CCNG2: variants seen among roughly 807,000 people sequenced by gnomAD.
The protein encoded by CCNG2 is cyclin G2.
Under a neutral mutation model 36.5 loss-of-function variants are expected in CCNG2, and 20 were observed. That is an observed-to-expected ratio of 0.55 (90% confidence interval 0.39 to 0.80). The LOEUF (loss-of-function observed/expected upper bound fraction) is 0.80, where lower values mean the gene tolerates loss of function less well. Among genes scored for constraint, CCNG2 ranks in the 30% least tolerant of loss-of-function variants. The pLI is 0.00. For missense variants in CCNG2, 358 were observed against 390.8 expected, an observed-to-expected ratio of 0.92 and a Z score of 0.71; for synonymous variants, 155 against 140.1, an observed-to-expected ratio of 1.11 and a Z score of -0.75.
chr4:77,160,760 T>G lies in CCNG2; in HGVS notation c.316T>G (p.Phe106Val). Residue 106 changes from phenylalanine (F) to valine (V), a missense_variant, in exon 4 of 8, where the codon TTT becomes GTT. By Grantham distance (50) the Phe-to-Val change is conservative. Transcript: ENST00000316355. ...KHLSCIGVCS[F>V]LLAARIVEED... ...TTTGTCTTGCATTGGAGTCTGTTCT[T>G]TTTTGCTGGCTGCTAGAATAGTTGA... 6.2e-7 allele frequency: 1 copy of G among 1,614,054 alleles called. No homozygotes were observed.
chr4:77,167,250 G>A lies in CCNG2; in HGVS notation c.*1326G>A, dbSNP rs929062923. On this transcript the variant is annotated 3_prime_UTR_variant, in exon 8 of 8. Transcript: ENST00000316355. ...CATCTTAATTTTTAATCTGTTAAAA[G>A]TTCTTGATGTATTTTAATGAGAAGA... 6.6e-6 allele frequency: 1 copy of A among 152,138 alleles called. No individual in the cohort carries two copies. The highest frequency in any genetic ancestry group is 2.4e-5 in the African/African-American group (1 of 41,434). 9.4% of individuals were successfully genotyped at this position (152,138 alleles called of 1,614,324 possible). A position where few individuals can be genotyped will look rare whatever the true frequency, so the allele number is the denominator to read the frequency against.
intron 4 of CCNG2, 37 bp downstream of exon 4, chr4:77,161,008 A>G (rs913347863): frequency 1.2e-5 from 18 of 1,490,608 alleles, no homozygotes; most frequent in Admixed American, 1.8e-5. Flanking sequence ...TACTTTGAAC[A>G]TTGCTATAGC....
intron 6 of CCNG2, among the ~76,000 whole-genome samples, chr4:77,163,696 C>CA (rs4150083): frequency 6.6e-6 from 1 of 151,944 alleles, no homozygotes. Flanking sequence ...AAAAGAAAAA[C>CA]AAAAAAGAAA....
At chr4:77,160,619 G>A in intron 3 of CCNG2, 102 bp from the exon 4 acceptor site, 1 of 1,183,522 alleles carries the variant, frequency 8.4e-7, no homozygotes, top group Non-Finnish European at 1.2e-6. Context: ...GAAACAACTT[G>A]ATTGTGTTCT....
chr4:77,161,747 G>A lies in CCNG2; in HGVS notation c.705G>A (p.Lys235=). The A allele has an allele frequency of 6.4e-7, 1 of 1,570,198 alleles. No homozygotes were observed. Among genetic ancestry groups the A allele is most frequent in the Non-Finnish European group, 8.7e-7 (1 of 1,155,414 alleles). ...EILLLVKKHS[K]INDTEFFYWR... Reference sequence around the variant, plus strand: ...TCTTGCTAGTTAAAAAACATTCCAAGGTAATTACAGTCATTATTCTTTAAG... The same window carrying A: ...TCTTGCTAGTTAAAAAACATTCCAAAGTAATTACAGTCATTATTCTTTAAG... The change falls in exon 6 of 8, where the codon AAG becomes AAA. Residue 235 remains lysine (K), a splice_region_variant and synonymous_variant. Transcript: ENST00000316355.
At chr4:77,158,305 C>G (rs1206139757) in intron 1 of CCNG2, 1 of 552,780 alleles carries the variant, frequency 1.8e-6, no homozygotes, top group Admixed American at 3.3e-5. Context: ...CCGGTCTTAC[C>G]CAGCGCTGGC....
At chr4:77,159,678 T>C (rs1261453451) in intron 3 of CCNG2, among the ~76,000 whole-genome samples, 174 bp downstream of exon 3, 3 of 152,212 alleles carry the variant, frequency 2.0e-5, no homozygotes, top group Non-Finnish European at 2.9e-5. Flanking sequence ...ATTGTATTGT[T>C]GTATCTTAGG....
rs1731622015 is a variant in CCNG2, at chr4:77,165,899, C to T, written c.1010C>T (p.Ala337Val). The T allele has an allele frequency of 6.2e-7, 1 of 1,609,348 alleles. No individual in the cohort carries two copies. The highest frequency in any genetic ancestry group is 8.5e-7 in the Non-Finnish European group (1 of 1,178,516). The change falls in exon 8 of 8, where the codon GCA becomes GTA. Residue 337 changes from alanine to valine, a missense_variant. By Grantham distance (64) the Ala-to-Val change is moderately conservative. Transcript: ENST00000316355. Reference protein sequence around the residue: ...ECTFFFNFKVAQTLCFPS With the variant: ...ECTFFFNFKVVQTLCFPS The stretch of plus-strand genomic sequence containing the variant: ...ACCTTCTTTTTCAACTTCAAAGTGG[C>T]ACAAACACTGTGCTTTCCATCTTAG...
In CCNG2 at chr4:77,167,451, T is replaced by C. The variant is rs1034936420; in HGVS notation, c.*1527T>C. Reference sequence around the variant, plus strand: ...CTCAGAGACTGGTATATTACCAGAATGCCTATTAATTTTCAGTGAGAGGCA... The same window carrying C: ...CTCAGAGACTGGTATATTACCAGAACGCCTATTAATTTTCAGTGAGAGGCA... On this transcript the variant is annotated 3_prime_UTR_variant, in exon 8 of 8. Coordinates refer to ENST00000316355, the MANE Select transcript of CCNG2 (RefSeq NM_004354.3). The C allele has an allele frequency of 6.6e-6, 1 of 152,212 alleles. No individual in the cohort carries two copies. The highest frequency in any genetic ancestry group is 1.5e-5 in the Non-Finnish European group (1 of 68,036). The allele number at this position is 152,212 out of a possible 1,614,324, so 9.4% of individuals were successfully genotyped here.
At chr4:77,157,677 T>C (rs1303495420) in intron 1 of CCNG2, among the ~76,000 whole-genome samples, 171 bp downstream of exon 1, 1 of 151,640 alleles carries the variant, frequency 6.6e-6, no homozygotes, top group East Asian at 2.0e-4. Context: ...GCGCCCGCGA[T>C]GGACAGATAG....
At chr4:77,160,306 A>G (rs1731393064) in intron 3 of CCNG2, among the ~76,000 whole-genome samples, 1 of 152,026 alleles carries the variant, frequency 6.6e-6, no homozygotes, top group Non-Finnish European at 1.5e-5. Context: ...TTGAACCTGC[A>G]TGGAAATTTT....
chr4:77,160,029 GA>G (rs1301033985), intron 3 of CCNG2, among the ~76,000 whole-genome samples: 2 of 152,116 alleles, frequency 1.3e-5, no homozygotes, highest in African/African-American at 4.8e-5. Context: ...TCAGGGCACT[GA>G]AAAGAAAAGG....
rs1731630185 is a variant in CCNG2 at position 77,166,171 on chromosome 4, T to C, written c.*247T>C. ...GCACTTTATTTTTCTCGTAGATCTT[T>C]AGCTACTTTGGGGAGGAGGGAAGGT... On this transcript the variant is annotated 3_prime_UTR_variant, in exon 8 of 8. Transcript: ENST00000316355. 2 of 278,304 alleles carry C rather than the reference T, an allele frequency of 7.2e-6. No individual in the cohort carries two copies. The highest frequency in any genetic ancestry group is 6.5e-5 in the East Asian group (1 of 15,364). 17.2% of individuals were successfully genotyped at this position (278,304 alleles called of 1,614,324 possible).
In CCNG2 at chr4:77,166,072, C is replaced by T. The variant is rs1319210841; in HGVS notation, c.*148C>T. On this transcript the variant is annotated 3_prime_UTR_variant, in exon 8 of 8. Coordinates refer to ENST00000316355, the MANE Select transcript of CCNG2 (RefSeq NM_004354.3). ...TATTTGTTATTCAGATCAGATCTGG[C>T]CTATTTTCATATTTATCCTAAGCCA... The T allele has an allele frequency of 6.0e-6, 4 of 671,276 alleles. No individual in the cohort carries two copies. In the South Asian group the frequency reaches 1.1e-4, roughly 18 times the overall value. The allele number at this position is 671,276 out of a possible 1,614,324, so 41.6% of individuals were successfully genotyped here.
In CCNG2 at chr4:77,159,523, A is replaced by G; in HGVS notation, c.276+19A>G. On this transcript the variant is annotated intron_variant, in intron 3 of 7. Coordinates refer to ENST00000316355, the MANE Select transcript of CCNG2 (RefSeq NM_004354.3). ...TATGAAGGTATTTCATCATTTTTAT[A>G]AATATGTCTTCCTTTTTCTATGCCC... The G allele has an allele frequency of 6.2e-7, 1 of 1,607,276 alleles. No individual in the cohort carries two copies. Among genetic ancestry groups the G allele is most frequent in the Admixed American group, 1.7e-5 (1 of 58,826 alleles).
intron 7 of CCNG2, 100 bp downstream of exon 7, chr4:77,164,579 C>T: frequency 1.2e-6 from 1 of 806,662 alleles, no homozygotes. Flanking sequence ...AGAAAGCAAG[C>T]ACCTACACTA....
chr4:77,160,297 T>G (rs934032449), intron 3 of CCNG2, among the ~76,000 whole-genome samples: 1 of 152,210 alleles, frequency 6.6e-6, no homozygotes, highest in Non-Finnish European at 1.5e-5. Context: ...ATCTAGCTTT[T>G]GAACCTGCAT....
At chr4:77,161,097 A>ATATTTTT in intron 4 of CCNG2, 126 bp downstream of exon 4, 2 of 475,138 alleles carry the variant, frequency 4.2e-6, no homozygotes, top group Non-Finnish European at 6.6e-6. Context: ...TTATTGGTAA[A>ATATTTTT]TCTTTTTTTT....
chr4:77,160,541 G>GGGT (rs1731403752), intron 3 of CCNG2, among the ~76,000 whole-genome samples, 180 bp from the exon 4 acceptor site: 1 of 149,024 alleles, frequency 6.7e-6, no homozygotes, highest in Non-Finnish European at 1.5e-5. Context: ...TGGGGGGGGG[G>GGGT]GGAGGTCGAG....
Sources: gnomAD v4.1 joint callset for allele counts (sites outside exome capture counted in the v4.1 genomes callset) on GRCh38, gnomAD v4.1.1 for gene constraint, MANE v1.5 for transcripts, NCBI Gene and HGNC (gene_info 2026-07-23, HGNC 2026-07-21) for gene names.